KIF24: variants seen among roughly 807,000 people sequenced by gnomAD.
KIF24 encodes the protein kinesin family member 24, also known as kinesin-like protein KIF24.
A neutral mutation model predicts 118.9 loss-of-function variants in KIF24; 81 were observed. The ratio of observed to expected loss-of-function variants is 0.68; its 90% CI spans 0.57 to 0.82. The LOEUF is 0.82. Ranked by LOEUF, KIF24 falls within the 40% of genes least tolerant of loss-of-function variation. The pLI is 0.00. For synonymous variants in KIF24, 599 were observed against 610.0 expected, an observed-to-expected ratio of 0.98 and a Z score of 0.27; for missense variants, 1,560 against 1,661.6, an observed-to-expected ratio of 0.94 and a Z score of 1.06.
At chr9:34,316,245 G>A (rs1467785988) in intron 1 of KIF24, among the ~76,000 whole-genome samples, 1 of 151,916 alleles carries the variant, frequency 6.6e-6, no homozygotes, top group Non-Finnish European at 1.5e-5. Context: ...CTACTCAGGA[G>A]GCTGAGTTTC....
At chr9:34,295,420 T>C (rs1587948516) in intron 4 of KIF24, among the ~76,000 whole-genome samples, 1 of 152,058 alleles carries the variant, frequency 6.6e-6, no homozygotes, top group Non-Finnish European at 1.5e-5. Flanking sequence ...CTCACACCTA[T>C]AATCCTAGCA....
intron 1 of KIF24, among the ~76,000 whole-genome samples, chr9:34,320,733 G>A (rs1837493775): frequency 6.6e-6 from 1 of 151,670 alleles, no homozygotes; most frequent in African/African-American, 2.4e-5. Context: ...TCTCCCTTGG[G>A]AAGGAGGGGA....
At chr9:34,311,516 C>T in intron 1 of KIF24, 145 bp from the exon 2 acceptor site, 1 of 472,712 alleles carries the variant, frequency 2.1e-6, no homozygotes, top group Non-Finnish European at 3.7e-6. Flanking sequence ...TATTTTTCTT[C>T]TGAAATTATT....
Position 34,318,806 on chromosome 9 carries a change from T to C in KIF24, c.-25-7435A>G. 1 of 1,564,690 alleles carries C rather than the reference T, an allele frequency of 6.4e-7. No homozygotes were observed. The highest frequency in any genetic ancestry group is 1.7e-4 in the Middle Eastern group (1 of 5,992). ...GACCTGGAAGCTGTGCAGTCGCCTG[T>C]AGGGACCCAGCTCAGTGAGTTTCGC... On this transcript the variant is annotated intron_variant, in intron 1 of 12. Coordinates refer to ENST00000402558, the MANE Select transcript of KIF24 (RefSeq NM_194313.4). This position sits in a 1 kb window ranked among gnomAD's most constrained non-coding sequence, Gnocchi z 4.9.
intron 3 of KIF24, among the ~76,000 whole-genome samples, chr9:34,299,381 C>T (rs1836606923): frequency 5.9e-5 from 9 of 151,868 alleles, no homozygotes. Context: ...GGGGTCTCAT[C>T]ATGTTGGCCA....
chr9:34,263,065 A>C (rs1835153991), intron 9 of KIF24, 36 bp downstream of exon 9: 1 of 1,486,160 alleles, frequency 6.7e-7, no homozygotes, highest in African/African-American at 1.4e-5. Context: ...GAAAGGAATG[A>C]ATCAGAACAA....
chr9:34,310,187 G>A (rs1837084475), intron 2 of KIF24, among the ~76,000 whole-genome samples: 1 of 151,884 alleles, frequency 6.6e-6, no homozygotes, highest in South Asian at 2.1e-4. Flanking sequence ...GTTTTTTCCG[G>A]GGTTGAAATT....
chr9:34,300,232 A>C (rs1836646171), intron 3 of KIF24, among the ~76,000 whole-genome samples: 1 of 111,458 alleles, frequency 9.0e-6, no homozygotes. Flanking sequence ...TAGTGCTTTG[A>C]AAAATGTGGT....
At chr9:34,294,808 T>C (rs182203903) in intron 4 of KIF24, among the ~76,000 whole-genome samples, 366 of 152,300 alleles carry the variant, frequency 2.4e-3, no homozygotes, top group South Asian at 5.0e-3. Context: ...TAATCTATAC[T>C]GACAGAAAGT....
intron 1 of KIF24, among the ~76,000 whole-genome samples, chr9:34,324,196 A>C (rs764865858): frequency 6.6e-6 from 1 of 152,214 alleles, no homozygotes; most frequent in Non-Finnish European, 1.5e-5. Context: ...TCTCATGGCT[A>C]TGTGTTGCAG....
chr9:34,319,618 T>G, intron 1 of KIF24: 5 of 899,420 alleles, frequency 5.6e-6, no homozygotes, highest in Non-Finnish European at 5.6e-6. Context: ...GGGCACCTGG[T>G]CCGGCCTAAG....
At position 34,318,635 on chromosome 9, in the gene KIF24, T is replaced by A; in HGVS notation, c.-25-7264A>T. ...GTCGCCCGTGGTGGTGGCCTCGTCG[T>A]TGGGGCTCGTGTCGCTGGGCGGCAA... On this transcript the variant is annotated intron_variant, in intron 1 of 12. Transcript: ENST00000402558. The surrounding 1 kb of genome is among the most constrained non-coding windows in gnomAD (Gnocchi z 4.9). 6.5e-7 allele frequency: 1 copy of A among 1,532,258 alleles called. No individual in the cohort carries two copies. Among genetic ancestry groups the A allele is most frequent in the Non-Finnish European group, 8.9e-7 (1 of 1,125,576 alleles). 94.9% of individuals were successfully genotyped at this position (1,532,258 alleles called of 1,614,324 possible).
chr9:34,306,257 G>A lies in KIF24; in HGVS notation c.808C>T (p.Leu270=). ...ATAAAACGAAAACATCATACCTGCA[G>A]AATATATTGAGTGAGGTCAACTGCT... is the stretch of plus-strand genomic sequence containing the variant. The part of the protein sequence containing the change: ...KEAVDLTQYI[L]QHVFYFDEVF... The change falls in exon 3 of 13, where the codon CTG becomes TTG. Residue 270 remains leucine (L), a synonymous_variant. Coordinates refer to ENST00000402558, the MANE Select transcript of KIF24 (RefSeq NM_194313.4). The A allele has an allele frequency of 6.3e-7, 1 of 1,588,640 alleles. No homozygotes were observed.
In KIF24 at chr9:34,257,390, C is replaced by G; in HGVS notation, c.2217G>C (p.Arg739Ser). The G allele has an allele frequency of 6.2e-6, 10 of 1,614,032 alleles. No homozygotes were observed. The highest frequency in any genetic ancestry group is 8.5e-6 in the Non-Finnish European group (10 of 1,179,902). ...HRAEYSQDSQ[R>S]GTPARPASEA... ...CAGAGGCAGGCCTAGCAGGCGTGCCCCTCTGGCTGTCTTGACTGTACTCAG... is the reference window on the plus strand; with the variant it reads ...CAGAGGCAGGCCTAGCAGGCGTGCCGCTCTGGCTGTCTTGACTGTACTCAG... The change falls in exon 11 of 13, where the codon AGG (arginine) becomes AGC (serine). Residue 739 changes from arginine to serine, a missense_variant. By Grantham distance (110) the Arg-to-Ser change is moderately radical. Around this residue, in one of 3 missense-constraint regions of KIF24, gnomAD observed 964 missense variants for 988.0 expected, o/e 0.98. Coordinates refer to ENST00000402558, the MANE Select transcript of KIF24 (RefSeq NM_194313.4).
chr9:34,307,630 G>A (rs748948364), intron 2 of KIF24, among the ~76,000 whole-genome samples: 47 of 151,844 alleles, frequency 3.1e-4, no homozygotes, highest in Admixed American at 9.8e-4. Context: ...ACTGGATGAC[G>A]GGCCAGGTGC....
At chr9:34,298,302 T>A (rs374933696) in intron 3 of KIF24, among the ~76,000 whole-genome samples, 7 of 152,172 alleles carry the variant, frequency 4.6e-5, no homozygotes, top group Admixed American at 3.3e-4. Context: ...TCTCAGCACT[T>A]TGGGAGGCCG....
At chr9:34,321,247 C>G (rs898502479) in intron 1 of KIF24, among the ~76,000 whole-genome samples, 4 of 151,858 alleles carry the variant, frequency 2.6e-5, no homozygotes, top group Non-Finnish European at 5.9e-5. Context: ...AAATATCTGT[C>G]AGTAGACTAC....
intron 1 of KIF24, among the ~76,000 whole-genome samples, chr9:34,323,534 T>C (rs916139815): frequency 6.6e-6 from 1 of 152,266 alleles, no homozygotes; most frequent in African/African-American, 2.4e-5. Context: ...GCTTTATTTT[T>C]AAAATCTTGC....
Position 34,256,202 on chromosome 9 carries a change from G to A in KIF24, c.3405C>T (p.Ile1135=), listed in dbSNP as rs1834831604. Residue 1135 remains isoleucine (I), a synonymous_variant, in exon 11 of 13, where the codon ATC becomes ATT. Coordinates refer to ENST00000402558, the MANE Select transcript of KIF24 (RefSeq NM_194313.4). The stretch of plus-strand genomic sequence containing the variant: ...GCAGCTTGTCAGCTGGGTGCTGACG[G>A]ATGGGTGATGGGGACAGAGCTGGAA... ...GDLPALSPSP[I]RQHPADKLPS... is the part of the protein sequence containing the mutation. 6.2e-7 allele frequency: 1 copy of A among 1,602,072 alleles called. No individual in the cohort carries two copies. The highest frequency in any genetic ancestry group is 1.3e-5 in the African/African-American group (1 of 74,724).
Sources: gnomAD v4.1 joint callset for allele counts (sites outside exome capture counted in the v4.1 genomes callset) on GRCh38, gnomAD v4.1.1 for gene constraint, gnomAD v4.1.1 regional missense constraint, Gnocchi (gnomAD v3.1) non-coding constraint, MANE v1.5 for transcripts, NCBI Gene and HGNC (gene_info 2026-07-23, HGNC 2026-07-21) for gene names.